UBA3: variants seen among roughly 807,000 people sequenced by gnomAD.
The protein encoded by UBA3 is NEDD8-activating enzyme E1 catalytic subunit.
A neutral mutation model predicts 73.5 loss-of-function variants in UBA3; 26 were observed. The ratio of observed to expected loss-of-function variants is 0.35; its 90% confidence interval spans 0.26 to 0.49. UBA3 has a LOEUF of 0.49. Among genes scored for constraint, UBA3 ranks in the 20% least tolerant of loss-of-function variants. The pLI is 0.98. For missense variants in UBA3, 495 were observed against 555.6 expected (o/e 0.89, Z 1.10); for synonymous variants, 217 against 191.2 (o/e 1.13, Z -1.11).
intron 2 of UBA3, 65 bp downstream of exon 2, chr3:69,080,047 C>T (rs1472246422): frequency 3.3e-6 from 5 of 1,520,116 alleles, no homozygotes; most frequent in Non-Finnish European, 4.5e-6. Context: ...GGCTGGTCCC[C>T]TAGGCCTGGG....
At chr3:69,062,942 C>A in intron 9 of UBA3, 40 bp downstream of exon 9, 1 of 1,607,078 alleles carries the variant, frequency 6.2e-7, no homozygotes, top group Non-Finnish European at 8.5e-7. Flanking sequence ...AATTCCATGC[C>A]AAGATACTAT....
chr3:69,068,526 C>A (rs1427210606), intron 5 of UBA3, among the ~76,000 whole-genome samples: 1 of 148,168 alleles, frequency 6.7e-6, no homozygotes, highest in Non-Finnish European at 1.5e-5. Flanking sequence ...AAAAATTTCA[C>A]TGGACCGTAT....
chr3:69,071,463 A>G, intron 5 of UBA3, 72 bp downstream of exon 5: 1 of 789,970 alleles, frequency 1.3e-6, no homozygotes, highest in Non-Finnish European at 2.0e-6. Flanking sequence ...AAAAATTATT[A>G]AACTGCAATG....
chr3:69,063,799 G>A (rs2092043397), intron 7 of UBA3, among the ~76,000 whole-genome samples: 1 of 151,860 alleles, frequency 6.6e-6, no homozygotes, highest in Non-Finnish European at 1.5e-5. Context: ...AAAACCACAA[G>A]CACTTTTTAC....
Position 69,062,062 on chromosome 3 carries a change from A to T in UBA3, c.796+15T>A. 2.6e-6 allele frequency: 4 copies of T among 1,539,512 alleles called. No individual in the cohort carries two copies. Among genetic ancestry groups the T allele is most frequent in the Non-Finnish European group, 3.6e-6 (4 of 1,125,194 alleles). ...TATTTTATGTAATTCTAGATTATTA[A>T]ATTAGGTTTATTACCTCCAAAAGGC... On this transcript the variant is annotated intron_variant, in intron 10 of 17. Transcript: ENST00000361055.
At chr3:69,056,310 C>A in intron 14 of UBA3, 27 bp from the exon 15 acceptor site, 1 of 1,483,828 alleles carries the variant, frequency 6.7e-7, no homozygotes, top group Non-Finnish European at 9.1e-7. Context: ...CAACAAATTA[C>A]AGCAGCACAT....
chr3:69,069,923 G>A (rs555131674), intron 5 of UBA3, among the ~76,000 whole-genome samples: 2 of 152,238 alleles, frequency 1.3e-5, no homozygotes, highest in South Asian at 4.2e-4. Flanking sequence ...TACCATTCCA[G>A]GATGAAACAA....
At chr3:69,078,715 C>G (rs967663274) in intron 2 of UBA3, among the ~76,000 whole-genome samples, 2 of 152,142 alleles carry the variant, frequency 1.3e-5, no homozygotes, top group African/African-American at 4.8e-5. Context: ...TCAAGTAATC[C>G]GTCCACCTCG....
intron 3 of UBA3, among the ~76,000 whole-genome samples, chr3:69,076,764 C>CA (rs1383411598): frequency 1.8e-3 from 266 of 144,444 alleles, no homozygotes; most frequent in Non-Finnish European, 2.1e-3. Context: ...TTTTTTCTTT[C>CA]TTTTTTTTTT....
chr3:69,080,308 C>T (rs778663127), intron 1 of UBA3, 26 bp downstream of exon 1: 14 of 1,603,604 alleles, frequency 8.7e-6, no homozygotes, highest in Admixed American at 6.7e-5. Flanking sequence ...CCCAGCCCGG[C>T]GCGTCTGCAG....
chr3:69,072,460 C>A (rs558977499), intron 4 of UBA3, among the ~76,000 whole-genome samples: 5 of 152,206 alleles, frequency 3.3e-5, no homozygotes, highest in African/African-American at 1.2e-4. Context: ...CAATAACCTC[C>A]GTGTTGCTAA....
intron 5 of UBA3, 112 bp downstream of exon 5, chr3:69,071,423 A>G (rs2092120984): frequency 1.6e-6 from 1 of 613,640 alleles, no homozygotes; most frequent in Admixed American, 4.1e-5. Context: ...TTTTAAAATA[A>G]AATTAGTATT....
intron 11 of UBA3, among the ~76,000 whole-genome samples, chr3:69,059,027 G>A (rs1308034330): frequency 2.0e-5 from 3 of 152,198 alleles, no homozygotes; most frequent in African/African-American, 4.8e-5. Context: ...TAGCAAATAT[G>A]TGTAACACAT....
At chr3:69,075,548 T>C in intron 3 of UBA3, 38 bp from the exon 4 acceptor site, 1 of 1,372,454 alleles carries the variant, frequency 7.3e-7, no homozygotes, top group Non-Finnish European at 9.9e-7. Context: ...AGCTGGGTGA[T>C]AACCGCAAAG....
At chr3:69,074,024 A>G (rs1476600734) in intron 4 of UBA3, among the ~76,000 whole-genome samples, 2 of 152,192 alleles carry the variant, frequency 1.3e-5, no homozygotes, top group Non-Finnish European at 2.9e-5. Context: ...AGTAAAATTG[A>G]AAACCCTTAG....
intron 11 of UBA3, among the ~76,000 whole-genome samples, chr3:69,058,624 A>G (rs1325165395): frequency 2.0e-5 from 3 of 152,182 alleles, no homozygotes; most frequent in Non-Finnish European, 4.4e-5. Context: ...ATGTACTGAA[A>G]GGAGGAAGTG....
chr3:69,075,312 A>G (rs1391090817), intron 4 of UBA3, 118 bp downstream of exon 4: 2 of 391,878 alleles, frequency 5.1e-6, no homozygotes, highest in Non-Finnish European at 8.2e-6. Context: ...AACTTATCTA[A>G]CAAAGGCTCA....
At chr3:69,078,644 T>C (rs1475912437) in intron 2 of UBA3, among the ~76,000 whole-genome samples, 1 of 152,104 alleles carries the variant, frequency 6.6e-6, no homozygotes, top group African/African-American at 2.4e-5. Context: ...CAGCCAATTT[T>C]TGTATTTTTA....
Position 69,071,554 on chromosome 3 carries a change from T to A in UBA3, c.328A>T (p.Asn110Tyr). Reference protein sequence around the residue: ...DMDTIDVSNLNRQFLFRPKDI... With the variant: ...DMDTIDVSNLYRQFLFRPKDI... ...ACTTACCTAAATAAAAACTGCCTAT[T>A]TAGATTGGAAACATCTATAGTGTCC... is the stretch of plus-strand genomic sequence containing the variant. Residue 110 changes from asparagine (N) to tyrosine (Y), a missense_variant, in exon 5 of 18, where the codon AAT (asparagine) becomes TAT (tyrosine). Transcript: ENST00000361055. The A allele has an allele frequency of 1.3e-6, 2 of 1,560,652 alleles. No individual in the cohort carries two copies. Among genetic ancestry groups the A allele is most frequent in the Non-Finnish European group, 1.7e-6 (2 of 1,159,558 alleles).
Sources: gnomAD v4.1 joint callset for allele counts (sites outside exome capture counted in the v4.1 genomes callset) on GRCh38, gnomAD v4.1.1 for gene constraint, MANE v1.5 for transcripts, NCBI Gene and HGNC (gene_info 2026-07-23, HGNC 2026-07-21) for gene names.